Variants in ARPC4 observed in about 807,000 individuals in gnomAD.
The protein encoded by ARPC4 is actin-related protein 2/3 complex subunit 4.
A neutral mutation model predicts 22.8 loss-of-function variants in ARPC4; 3 were observed. The ratio of observed to expected loss-of-function variants is 0.13; its 90% confidence interval spans 0.06 to 0.34. ARPC4 has a LOEUF of 0.34. ARPC4 is among the 10% of genes least tolerant of loss of function. The probability of loss-of-function intolerance (pLI) is 1.00; values close to 1 mark genes in which losing one functional copy is unlikely to be tolerated. For synonymous variants in ARPC4, 80 were observed against 72.5 expected, an observed-to-expected ratio of 1.10 and a Z score of -0.52; for missense variants, 98 against 211.0, an observed-to-expected ratio of 0.46 and a Z score of 3.32.
At chr3:9,795,086 A>G (rs947337230) in intron 1 of ARPC4, among the ~76,000 whole-genome samples, 1 of 151,958 alleles carries the variant, frequency 6.6e-6, no homozygotes, top group African/African-American at 2.4e-5. Flanking sequence ...GCTCACTGCA[A>G]CCTCAGTCTC....
rs761103668 is a variant in ARPC4 at position 9,796,336 on chromosome 3, G to A, written c.4-1323G>A. 6.6e-5 allele frequency among the ~76,000 whole-genome samples: 10 copies of A among 152,248 alleles called. 1 individual carries two copies. Among genetic ancestry groups the A allele is most frequent in the Non-Finnish European group, 1.2e-4 (8 of 68,048 alleles). ...TTTAACCCAGGAGGCGGCGATTGCC[G>A]TGAGCAGAGATCGTGCCACTGCACT... On this transcript the variant is annotated intron_variant, in intron 1 of 5. Coordinates refer to ENST00000397261, the MANE Select transcript of ARPC4 (RefSeq NM_005718.5).
chr3:9,793,841 T>C (rs1160588162), intron 1 of ARPC4, among the ~76,000 whole-genome samples: 4 of 152,200 alleles, frequency 2.6e-5, no homozygotes, highest in African/African-American at 9.7e-5. Flanking sequence ...ACACCTTCCC[T>C]GGTGATACCG....
upstream of ARPC4, chr3:9,793,063 A>G (rs755848354): frequency 1.1e-4 from 166 of 1,545,024 alleles, no homozygotes; most frequent in African/African-American, 5.8e-4. Flanking sequence ...GCGAAAGGGC[A>G]GGCATCGCGG....
intron 5 of ARPC4, among the ~76,000 whole-genome samples, chr3:9,805,151 T>C (rs969113780): frequency 1.3e-5 from 2 of 152,222 alleles, no homozygotes; most frequent in African/African-American, 2.4e-5. Flanking sequence ...CTTGTTCCAA[T>C]TGAATATTTG....
At chr3:9,796,443 A>G (rs1156710600) in intron 1 of ARPC4, among the ~76,000 whole-genome samples, 1 of 152,200 alleles carries the variant, frequency 6.6e-6, no homozygotes, top group African/African-American at 2.4e-5. Context: ...GTCAATTGTA[A>G]TAAATACTTT....
intron 1 of ARPC4, among the ~76,000 whole-genome samples, chr3:9,795,012 T>G (rs574865065): frequency 6.6e-6 from 1 of 152,258 alleles, no homozygotes; most frequent in Admixed American, 6.5e-5. Context: ...GTTTTTCTTT[T>G]TCTTTTTTTT....
At chr3:9,803,587 T>C in intron 4 of ARPC4, 1 of 630,212 alleles carries the variant, frequency 1.6e-6, no homozygotes, top group Non-Finnish European at 3.0e-6. Flanking sequence ...AATGCAGAGC[T>C]GTTGTGCCAC....
chr3:9,792,647 A>G (rs2078767442), upstream of ARPC4: 1 of 1,231,238 alleles, frequency 8.1e-7, no homozygotes, highest in Non-Finnish European at 1.0e-6. Context: ...CGGGAGGCGG[A>G]GCTTGGCGGC....
chr3:9,792,775 G>C, upstream of ARPC4: 1 of 1,260,262 alleles, frequency 7.9e-7, no homozygotes, highest in Non-Finnish European at 1.0e-6. Flanking sequence ...GCTTCGGCTT[G>C]TCCTAATTTG....
At chr3:9,792,708 AGGAGG>A, upstream of ARPC4, 1 of 1,233,888 alleles carries the variant, frequency 8.1e-7, no homozygotes, top group Non-Finnish European at 1.0e-6. Context: ...AGCTGCGGGT[AGGAGG>A]GGCGAGAGAA....
At chr3:9,805,413 A>G (rs1319226821) in intron 5 of ARPC4, among the ~76,000 whole-genome samples, 1 of 152,224 alleles carries the variant, frequency 6.6e-6, no homozygotes, top group African/African-American at 2.4e-5. Context: ...AGAAAGTACC[A>G]TAGCCTTTGT....
chr3:9,793,778 C>T (rs1294836986), intron 1 of ARPC4, among the ~76,000 whole-genome samples: 1 of 152,016 alleles, frequency 6.6e-6, no homozygotes, highest in African/African-American at 2.4e-5. Context: ...CTTTTTCATA[C>T]GTGTGGGCAT....
chr3:9,796,077 C>T (rs2078877607), intron 1 of ARPC4, among the ~76,000 whole-genome samples: 1 of 151,778 alleles, frequency 6.6e-6, no homozygotes, highest in Non-Finnish European at 1.5e-5. Flanking sequence ...GCCTGGACAA[C>T]AGAGTAAGAC....
At chr3:9,792,643 G>A (rs1405477709), upstream of ARPC4, 6 of 1,231,010 alleles carry the variant, frequency 4.9e-6, no homozygotes, top group Non-Finnish European at 6.1e-6. Context: ...GGGGCGGGAG[G>A]CGGAGCTTGG....
intron 1 of ARPC4, among the ~76,000 whole-genome samples, chr3:9,794,921 G>C (rs1315046266): frequency 6.6e-6 from 1 of 152,170 alleles, no homozygotes; most frequent in East Asian, 1.9e-4. Flanking sequence ...AGTCAACCAT[G>C]TTGTGTGTAT....
At chr3:9,795,154 C>T (rs1424103123) in intron 1 of ARPC4, among the ~76,000 whole-genome samples, 2 of 151,996 alleles carry the variant, frequency 1.3e-5, no homozygotes, top group Admixed American at 6.6e-5. Context: ...TACAGGCACC[C>T]GCCACAGCTA....
intron 5 of ARPC4, among the ~76,000 whole-genome samples, chr3:9,804,888 C>T (rs576492759): frequency 1.3e-5 from 2 of 152,352 alleles, no homozygotes; most frequent in South Asian, 2.1e-4. Flanking sequence ...AGGCAACCCA[C>T]CTGTGTGGGA....
chr3:9,800,149 C>T, intron 2 of ARPC4, 36 bp from the exon 3 acceptor site: 2 of 1,608,370 alleles, frequency 1.2e-6, no homozygotes, highest in African/African-American at 2.7e-5. Flanking sequence ...TTCTATCCCT[C>T]TGTAGTACAA....
intron 2 of ARPC4, among the ~76,000 whole-genome samples, chr3:9,799,553 G>A (rs995072835): frequency 6.6e-6 from 1 of 151,518 alleles, no homozygotes; most frequent in African/African-American, 2.4e-5. Context: ...AGCAATTCTC[G>A]TGCTTCAGCC....
Sources: gnomAD v4.1 joint callset for allele counts (sites outside exome capture counted in the v4.1 genomes callset) on GRCh38, gnomAD v4.1.1 for gene constraint, MANE v1.5 for transcripts, NCBI Gene and HGNC (gene_info 2026-07-23, HGNC 2026-07-21) for gene names.